Variants in DDHD1 observed in about 807,000 individuals in gnomAD.
DDHD1 encodes the protein phospholipase DDHD1.
DDHD1 carries 49 observed loss-of-function variants against 96.4 expected under a neutral mutation model. The observed-to-expected ratio is 0.51, with a 90% CI of 0.40 to 0.64. The LOEUF is 0.64. DDHD1 is among the 30% of genes least tolerant of loss of function. The probability of loss-of-function intolerance (pLI) is 0.00; values close to 1 mark genes in which losing one functional copy is unlikely to be tolerated. For missense variants in DDHD1, 1,106 were observed against 1,161.2 expected (o/e 0.95, Z 0.69); for synonymous variants, 442 against 446.5 (o/e 0.99, Z 0.13).
intron 1 of DDHD1, 24 bp from the exon 2 acceptor site, chr14:53,103,880 T>G: frequency 6.4e-7 from 1 of 1,560,482 alleles, no homozygotes. Flanking sequence ...ATCACAGAAT[T>G]ATACACATTT....
chr14:53,099,874 C>T (rs1187462777), intron 2 of DDHD1, among the ~76,000 whole-genome samples: 1 of 152,038 alleles, frequency 6.6e-6, no homozygotes, highest in Non-Finnish European at 1.5e-5. Context: ...AAGTCATTAT[C>T]TCTTTGTGGG....
Position 53,063,065 on chromosome 14 carries a change from A to G in DDHD1, c.1644T>C (p.Thr548=), listed in dbSNP as rs1188263625. 6.2e-7 allele frequency: 1 copy of G among 1,614,144 alleles called. No homozygotes were observed. Among genetic ancestry groups the G allele is most frequent in the South Asian group, 1.1e-5 (1 of 91,078 alleles). Residue 548 remains threonine (T), a synonymous_variant, in exon 7 of 13, where the codon ACT becomes ACC. Transcript: ENST00000673822. ...CATACAGCCGAACTGGATTCCAGCC[A>G]GTCATTATGTCATAAGTAATTACAC... The part of the protein sequence containing the change: ...LGCVITYDIM[T]GWNPVRLYEQ...
intron 1 of DDHD1, among the ~76,000 whole-genome samples, chr14:53,138,398 C>G (rs1890392903): frequency 6.6e-6 from 1 of 152,098 alleles, no homozygotes; most frequent in South Asian, 2.1e-4. Flanking sequence ...CACTGCACTC[C>G]AGCCTGGGCA....
chr14:53,097,177 TTAA>T (rs1886952424), intron 2 of DDHD1, among the ~76,000 whole-genome samples: 1 of 151,988 alleles, frequency 6.6e-6, no homozygotes, highest in Admixed American at 6.6e-5. Flanking sequence ...CCCTTCTATA[TTAA>T]TGTGACATTC....
chr14:53,060,165 C>G (rs1240271745), intron 8 of DDHD1, among the ~76,000 whole-genome samples: 1 of 152,130 alleles, frequency 6.6e-6, no homozygotes, highest in African/African-American at 2.4e-5. Context: ...ATACAGTATA[C>G]TAGACATGAG....
chr14:53,127,824 T>G (rs1389114113), intron 1 of DDHD1, among the ~76,000 whole-genome samples: 2 of 152,204 alleles, frequency 1.3e-5, no homozygotes, highest in East Asian at 3.8e-4. Context: ...AATAGATCCT[T>G]AAGAGTCTGT....
At chr14:53,061,548 G>C (rs1348790126) in intron 7 of DDHD1, among the ~76,000 whole-genome samples, 2 of 151,932 alleles carry the variant, frequency 1.3e-5, no homozygotes, top group African/African-American at 4.8e-5. Flanking sequence ...AGAGTTTAGA[G>C]ATCTTTTCAT....
chr14:53,062,035 C>CCA (rs1555331341), intron 7 of DDHD1, among the ~76,000 whole-genome samples: 14 of 76,822 alleles, frequency 1.8e-4, no homozygotes, highest in African/African-American at 6.7e-4. Flanking sequence ...ACTCCGTCTC[C>CCA]AAAAAAAAAA....
intron 3 of DDHD1, 121 bp from the exon 4 acceptor site, chr14:53,092,053 G>C (rs1886473545): frequency 6.4e-6 from 6 of 931,476 alleles, no homozygotes; most frequent in Middle Eastern, 3.2e-4. Context: ...TGGCTGTGGG[G>C]GAGGAAATAA....
intron 1 of DDHD1, among the ~76,000 whole-genome samples, chr14:53,144,906 T>C (rs1389880208): frequency 2.6e-5 from 4 of 152,082 alleles, no homozygotes; most frequent in African/African-American, 9.7e-5. Flanking sequence ...TCCCAGCACT[T>C]TGGGAGGCTG....
rs1881781597 is a variant in DDHD1 at position 53,043,305 on chromosome 14, ATAACAGATGCCGTT to A, written c.*3449_*3462del. ...ATGTTCAGTGTGAGTACTTCAAAAG[ATAACAGATGCCGTT>A]TAACAGAAAGAAGTAAAACGTAAGA... On this transcript the variant is annotated 3_prime_UTR_variant, in exon 13 of 13. Coordinates refer to ENST00000673822, the MANE Select transcript of DDHD1 (RefSeq NM_001160148.2). 2 of 152,232 alleles carry A rather than the reference ATAACAGATGCCGTT, an allele frequency of 1.3e-5. No homozygotes were observed. Among genetic ancestry groups the A allele is most frequent in the South Asian group, 4.1e-4 (2 of 4,832 alleles). The allele number at this position is 152,232 out of a possible 1,614,324, so 9.4% of individuals were successfully genotyped here. A position where few individuals can be genotyped will look rare whatever the true frequency, so the allele number is the denominator to read the frequency against.
chr14:53,063,483 TAA>T (rs77248171), intron 6 of DDHD1, among the ~76,000 whole-genome samples: 3 of 139,572 alleles, frequency 2.1e-5, no homozygotes, highest in Admixed American at 7.2e-5. Context: ...TTCCATAGAT[TAA>T]AAAAAAAAAA....
In DDHD1 at chr14:53,152,727, C is replaced by A; in HGVS notation, c.372G>T (p.Pro124=). 1 of 1,602,908 alleles carries A rather than the reference C, an allele frequency of 6.2e-7. No homozygotes were observed. Among genetic ancestry groups the A allele is most frequent in the Non-Finnish European group, 8.5e-7 (1 of 1,174,842 alleles). The part of the protein sequence containing the change: ...SLSLHPPQQP[P]LVPTNSGGGG... ...CGCCCCCCGAGTTCGTCGGGACCAGCGGAGGCTGCTGCGGCGGGTGCAGCG... is the reference window on the plus strand; with the variant it reads ...CGCCCCCCGAGTTCGTCGGGACCAGAGGAGGCTGCTGCGGCGGGTGCAGCG... Residue 124 remains proline, a synonymous_variant, in exon 1 of 13, where the codon CCG becomes CCT. Transcript: ENST00000673822.
intron 6 of DDHD1, among the ~76,000 whole-genome samples, chr14:53,064,993 G>C (rs916908377): frequency 2.0e-5 from 3 of 152,092 alleles, no homozygotes; most frequent in South Asian, 2.1e-4. Context: ...TTGTGACCAA[G>C]TGTATTCATT....
chr14:53,153,109 C>A lies in DDHD1; in HGVS notation c.-11G>T. On this transcript the variant is annotated 5_prime_UTR_variant, in exon 1 of 13. Coordinates refer to ENST00000673822, the MANE Select transcript of DDHD1 (RefSeq NM_001160148.2). Reference sequence around the variant, plus strand: ...GCCCGGGTAATTCATGCTGTGGAGACGCCGCCGGCTGTCCGGCGGCGCGCG... The same window carrying A: ...GCCCGGGTAATTCATGCTGTGGAGAAGCCGCCGGCTGTCCGGCGGCGCGCG... 5 of 1,382,494 alleles carry A rather than the reference C, an allele frequency of 3.6e-6. No homozygotes were observed. Among genetic ancestry groups the A allele is most frequent in the African/African-American group, 1.5e-5 (1 of 65,132 alleles). 85.6% of individuals were successfully genotyped at this position (1,382,494 alleles called of 1,614,324 possible). A position where few individuals can be genotyped will look rare whatever the true frequency, so the allele number is the denominator to read the frequency against.
At chr14:53,079,742 C>T (rs1247447983) in intron 4 of DDHD1, among the ~76,000 whole-genome samples, 1 of 152,182 alleles carries the variant, frequency 6.6e-6, no homozygotes. Flanking sequence ...TTTACAACTG[C>T]ATACTACTCC....
At position 53,111,062 on chromosome 14, in the gene DDHD1, C is replaced by T. The variant is rs113649236; in HGVS notation, c.839-7206G>A. Among the ~76,000 whole-genome samples, 407 of 152,266 alleles carry T rather than the reference C, an allele frequency of 2.7e-3. 3 individuals carry two copies. The highest frequency in any genetic ancestry group is 9.5e-3 in the African/African-American group (394 of 41,556). On this transcript the variant is annotated intron_variant, in intron 1 of 12. Coordinates refer to ENST00000673822, the MANE Select transcript of DDHD1 (RefSeq NM_001160148.2). Reference sequence around the variant, plus strand: ...GTCTTTATTGAAATCAAAAGAAGAACATGGGTTCTTCTTGACTGAAAAATA... The same window carrying T: ...GTCTTTATTGAAATCAAAAGAAGAATATGGGTTCTTCTTGACTGAAAAATA...
At chr14:53,152,130 C>T in intron 1 of DDHD1, 131 bp downstream of exon 1, 2 of 883,976 alleles carry the variant, frequency 2.3e-6, no homozygotes, top group Non-Finnish European at 3.2e-6. Context: ...GCTCAATCTC[C>T]ATCCTGCCCC....
chr14:53,050,425 C>T (rs1566513498), intron 12 of DDHD1, among the ~76,000 whole-genome samples: 2 of 152,218 alleles, frequency 1.3e-5, no homozygotes, highest in South Asian at 4.2e-4. Flanking sequence ...TCAAACAAAT[C>T]TAGCCATTCA....
Sources: gnomAD v4.1 joint callset for allele counts (sites outside exome capture counted in the v4.1 genomes callset) on GRCh38, gnomAD v4.1.1 for gene constraint, MANE v1.5 for transcripts, NCBI Gene and HGNC (gene_info 2026-07-23, HGNC 2026-07-21) for gene names.